TRIM9: variants seen among roughly 807,000 people sequenced by gnomAD.
TRIM9 encodes E3 ubiquitin-protein ligase TRIM9.
TRIM9 carries 26 observed loss-of-function variants against 78.3 expected under a neutral mutation model. The observed-to-expected ratio is 0.33, with a 90% CI of 0.24 to 0.46. The LOEUF (loss-of-function observed/expected upper bound fraction) is 0.46, where lower values mean the gene tolerates loss of function less well. Among genes scored for constraint, TRIM9 ranks in the 20% least tolerant of loss-of-function variants. TRIM9 has a pLI of 1.00. For synonymous variants in TRIM9, 398 were observed against 416.5 expected, an observed-to-expected ratio of 0.96 and a Z score of 0.54; for missense variants, 787 against 1,036.4, an observed-to-expected ratio of 0.76 and a Z score of 3.30.
chr14:51,034,728 T>C (rs2058997990), intron 1 of TRIM9, among the ~76,000 whole-genome samples: 1 of 152,208 alleles, frequency 6.6e-6, no homozygotes, highest in African/African-American at 2.4e-5. Flanking sequence ...TAGAGACCTA[T>C]ACAGTGACTT....
Position 51,000,853 on chromosome 14 carries a change from T to C in TRIM9, c.1307-13A>G. ...ACTGGAGAGGAAGCTAAACAGAAAT[T>C]AGTGTAACTCTGGCTTCTGTTAAGC... On this transcript the variant is annotated splice_polypyrimidine_tract_variant and intron_variant, in intron 5 of 12. Transcript: ENST00000684578. 2 of 1,613,740 alleles carry C rather than the reference T, an allele frequency of 1.2e-6. No homozygotes were observed. The highest frequency in any genetic ancestry group is 1.3e-5 in the African/African-American group (1 of 75,028).
Position 50,982,010 on chromosome 14 carries a change from C to G in TRIM9, c.1952G>C (p.Arg651Pro). 1.9e-6 allele frequency: 3 copies of G among 1,614,128 alleles called. No individual in the cohort carries two copies. The highest frequency in any genetic ancestry group is 2.5e-6 in the Non-Finnish European group (3 of 1,180,038). ...LTVTCSSYDD[R>P]VVLGKTGFSK... ...GAAGCCAGTCTTCCCTAGCACCACC[C>G]GGTCATCATAGCTACTACAGGTCAC... The change falls in exon 11 of 13, where the codon CGG (arginine) becomes CCG (proline). Residue 651 changes from arginine (R) to proline (P), a missense_variant. Coordinates refer to ENST00000684578, the MANE Select transcript of TRIM9 (RefSeq NM_001387360.1).
At chr14:51,070,380 GA>G (rs2062110105) in intron 1 of TRIM9, among the ~76,000 whole-genome samples, 2 of 152,164 alleles carry the variant, frequency 1.3e-5, no homozygotes, top group South Asian at 4.1e-4. Flanking sequence ...AGGCTCACAG[GA>G]ACCTAACCCT....
chr14:51,076,817 G>A (rs187422211), intron 1 of TRIM9, among the ~76,000 whole-genome samples: 4 of 152,242 alleles, frequency 2.6e-5, no homozygotes, highest in South Asian at 4.2e-4. Flanking sequence ...GCCTACCACC[G>A]TCCTTCCCAC....
At chr14:51,086,687 T>C (rs2063781839) in intron 1 of TRIM9, among the ~76,000 whole-genome samples, 1 of 152,008 alleles carries the variant, frequency 6.6e-6, no homozygotes, top group Admixed American at 6.5e-5. Context: ...AGAATACAGA[T>C]ATGGACGCTA....
chr14:50,995,900 C>CA (rs772500701), intron 7 of TRIM9, among the ~76,000 whole-genome samples: 2 of 151,870 alleles, frequency 1.3e-5, no homozygotes, highest in Non-Finnish European at 2.9e-5. Context: ...AAAAAACAAA[C>CA]AAAAAAGAGA....
intron 9 of TRIM9, among the ~76,000 whole-genome samples, 170 bp downstream of exon 9, chr14:50,983,210 C>T (rs113120856): frequency 0.013 from 1,975 of 152,302 alleles, 40 homozygotes; most frequent in African/African-American, 0.045. Context: ...ACATTAAACA[C>T]TACAGGCATC....
chr14:51,046,378 GT>G (rs536130066), intron 1 of TRIM9, among the ~76,000 whole-genome samples: 4 of 152,300 alleles, frequency 2.6e-5, no homozygotes, highest in African/African-American at 9.6e-5. Context: ...AATAAAATCA[GT>G]GTACTTTATC....
intron 6 of TRIM9, 84 bp downstream of exon 6, chr14:51,000,599 A>AAGCC: frequency 6.4e-7 from 1 of 1,559,198 alleles, no homozygotes; most frequent in Middle Eastern, 1.9e-4. Context: ...AGAGATGGGG[A>AAGCC]AGCCAGCCCT....
In TRIM9 at chr14:51,072,256, T is replaced by A. The variant is rs559084731; in HGVS notation, c.822+21862A>T. On this transcript the variant is annotated intron_variant, in intron 1 of 12. Coordinates refer to ENST00000684578, the MANE Select transcript of TRIM9 (RefSeq NM_001387360.1). ...CTGAAATTGTAGTCTTAATACTTTA[T>A]CTTATTATTTTACTACATTAAAAAA... Among the ~76,000 whole-genome samples the A allele has an allele frequency of 5.9e-5, 9 of 152,284 alleles. No individual in the cohort carries two copies. In the South Asian group the frequency reaches 1.9e-3, roughly 32 times the overall value.
intron 10 of TRIM9, 69 bp downstream of exon 10, chr14:50,982,872 TA>T: frequency 1.4e-6 from 2 of 1,414,478 alleles, no homozygotes; most frequent in Non-Finnish European, 1.9e-6. Context: ...GCTGATTTAT[TA>T]AACCTGTGAG....
intron 5 of TRIM9, among the ~76,000 whole-genome samples, chr14:51,002,356 G>T (rs1442541443): frequency 6.6e-6 from 1 of 151,428 alleles, no homozygotes; most frequent in Non-Finnish European, 1.5e-5. Context: ...AGATGGTCTC[G>T]ATCTACTGAC....
chr14:50,987,318 G>A (rs187344782), intron 7 of TRIM9, among the ~76,000 whole-genome samples: 1 of 152,220 alleles, frequency 6.6e-6, no homozygotes, highest in African/African-American at 2.4e-5. Flanking sequence ...TGGAGCACGT[G>A]TGTGTGCAGA....
intron 1 of TRIM9, among the ~76,000 whole-genome samples, chr14:51,029,434 C>G (rs2058542337): frequency 6.6e-6 from 1 of 152,164 alleles, no homozygotes; most frequent in Non-Finnish European, 1.5e-5. Context: ...CCCACTCCCG[C>G]TCCTTCCCAG....
chr14:51,045,603 A>G (rs1034626866), intron 1 of TRIM9, among the ~76,000 whole-genome samples: 1 of 152,214 alleles, frequency 6.6e-6, no homozygotes, highest in African/African-American at 2.4e-5. Flanking sequence ...ACATTGGTAA[A>G]GAGTAAATGT....
At chr14:51,082,847 G>A (rs1198610513) in intron 1 of TRIM9, among the ~76,000 whole-genome samples, 1 of 152,122 alleles carries the variant, frequency 6.6e-6, no homozygotes, top group African/African-American at 2.4e-5. Context: ...TGTGACCAAA[G>A]CTATATGTAG....
intron 1 of TRIM9, among the ~76,000 whole-genome samples, chr14:51,058,611 G>C (rs1167340675): frequency 6.6e-6 from 1 of 151,592 alleles, no homozygotes; most frequent in African/African-American, 2.4e-5. Flanking sequence ...TGGTGCGCTG[G>C]TGAGCCACCC....
chr14:50,978,777 T>C (rs1337951842), intron 12 of TRIM9: 2 of 532,730 alleles, frequency 3.8e-6, no homozygotes, highest in South Asian at 8.3e-5. Flanking sequence ...TTTTTTTTTT[T>C]CACTGATGTA....
chr14:51,060,658 G>A (rs2061279764), intron 1 of TRIM9, among the ~76,000 whole-genome samples: 1 of 152,086 alleles, frequency 6.6e-6, no homozygotes, highest in Admixed American at 6.5e-5. Flanking sequence ...TAGTAGAAAC[G>A]GGGTTTCGCC....
Sources: gnomAD v4.1 joint callset for allele counts (sites outside exome capture counted in the v4.1 genomes callset) on GRCh38, gnomAD v4.1.1 for gene constraint, MANE v1.5 for transcripts, NCBI Gene and HGNC (gene_info 2026-07-23, HGNC 2026-07-21) for gene names.